STON1: variants seen among roughly 807,000 people sequenced by gnomAD.
STON1 encodes stonin-1.
A neutral mutation model predicts 60.9 loss-of-function variants in STON1; 79 were observed. The observed-to-expected ratio is 1.30, with a 90% confidence interval of 1.08 to 1.56. STON1 has a LOEUF of 1.56. STON1 is among the 40% of genes most tolerant of loss of function. The pLI is 0.00. For missense variants in STON1, 1,166 were observed against 858.9 expected (o/e 1.36, Z -4.47); for synonymous variants, 363 against 306.9 (o/e 1.18, Z -1.91).
At chr2:48,557,047 T>C (rs1166887316) in intron 1 of STON1, among the ~76,000 whole-genome samples, 21 of 84,336 alleles carry the variant, frequency 2.5e-4, no homozygotes, top group South Asian at 1.1e-3. Context: ...CCCTCCCGGA[T>C]GGGGCGGCTG....
In STON1 at chr2:48,581,696, A is replaced by G. The variant is rs1364328939; in HGVS notation, c.1063A>G (p.Thr355Ala). Residue 355 changes from threonine (T) to alanine (A), a missense_variant, in exon 2 of 4, where the codon ACA becomes GCA. Physicochemically the swap from Thr to Ala is moderately conservative, Grantham distance 58 (BLOSUM62 0). Coordinates refer to ENST00000404752, the MANE Select transcript of STON1 (RefSeq NM_006873.4). ...TGTGAAGATTGAACATGTGTCTTAC[A>G]CAGAAAAAAGGAAATACCATTCTAA... The part of the protein sequence containing the change: ...HTVKIEHVSY[T>A]EKRKYHSKTE... The G allele has an allele frequency of 1.9e-6, 3 of 1,611,808 alleles. No homozygotes were observed. Among genetic ancestry groups the G allele is most frequent in the Non-Finnish European group, 2.5e-6 (3 of 1,179,398 alleles).
chr2:48,553,788 T>A (rs11125176), intron 1 of STON1, among the ~76,000 whole-genome samples: 1 of 152,020 alleles, frequency 6.6e-6, no homozygotes. Flanking sequence ...ATGACTGGCC[T>A]TAGACCCCTT....
chr2:48,577,427 C>T (rs942225867), intron 1 of STON1, among the ~76,000 whole-genome samples: 5 of 151,354 alleles, frequency 3.3e-5, no homozygotes, highest in African/African-American at 1.2e-4. Context: ...CTAAAAATAC[C>T]AAAATTAGCC....
At chr2:48,572,888 A>C (rs1168328439) in intron 1 of STON1, among the ~76,000 whole-genome samples, 1 of 152,228 alleles carries the variant, frequency 6.6e-6, no homozygotes, top group Non-Finnish European at 1.5e-5. Context: ...GGTGCTTCAC[A>C]GCAACTTCAG....
At position 48,591,714 on chromosome 2, in the gene STON1, C is replaced by G. The variant is rs766982446; in HGVS notation, c.1992C>G (p.Pro664=). 3 of 1,614,150 alleles carry G rather than the reference C, an allele frequency of 1.9e-6. No homozygotes were observed. In the East Asian group the frequency reaches 6.7e-5, roughly 36 times the overall value. The change falls in exon 3 of 4, where the codon CCC becomes CCG. Residue 664 remains proline (P), a synonymous_variant. Coordinates refer to ENST00000404752, the MANE Select transcript of STON1 (RefSeq NM_006873.4). The part of the protein sequence containing the change: ...KLELGSDQEI[P]SDWYPFATVQ... ...AGCTTGGATCAGACCAAGAAATTCCCTCTGATTGGTATCCATTTGCTACTG... is the reference window on the plus strand; with the variant it reads ...AGCTTGGATCAGACCAAGAAATTCCGTCTGATTGGTATCCATTTGCTACTG...
intron 1 of STON1, among the ~76,000 whole-genome samples, chr2:48,574,151 G>C (rs1342719349): frequency 2.0e-5 from 3 of 152,088 alleles, no homozygotes; most frequent in Non-Finnish European, 4.4e-5. Flanking sequence ...CGAGGCAGGT[G>C]GATCACTTGA....
intron 1 of STON1, among the ~76,000 whole-genome samples, chr2:48,558,100 G>A (rs1265679888): frequency 6.6e-6 from 1 of 152,162 alleles, no homozygotes; most frequent in African/African-American, 2.4e-5. Context: ...GCACATGCCT[G>A]TAATCCCAGC....
chr2:48,533,628 C>G (rs944753693), intron 1 of STON1, among the ~76,000 whole-genome samples: 1 of 127,060 alleles, frequency 7.9e-6, no homozygotes, highest in Admixed American at 9.7e-5. Context: ...TGCCACTGCA[C>G]TGGAGCCTGG....
chr2:48,579,636 G>A (rs1034582672), intron 1 of STON1, among the ~76,000 whole-genome samples: 2 of 152,104 alleles, frequency 1.3e-5, no homozygotes, highest in South Asian at 2.1e-4. Flanking sequence ...GTAACCTAAC[G>A]TGATCTGCTT....
chr2:48,586,496 A>T (rs1674214071), intron 2 of STON1, among the ~76,000 whole-genome samples: 1 of 152,188 alleles, frequency 6.6e-6, no homozygotes, highest in Non-Finnish European at 1.5e-5. Flanking sequence ...AGGGTAATAA[A>T]CTGCCTGGGG....
At chr2:48,567,917 G>C (rs1267929777) in intron 1 of STON1, among the ~76,000 whole-genome samples, 2 of 143,432 alleles carry the variant, frequency 1.4e-5, no homozygotes, top group African/African-American at 2.5e-5. Context: ...TGTTGCTCTT[G>C]AGGAGTCTGG....
intron 1 of STON1, among the ~76,000 whole-genome samples, chr2:48,579,443 T>C (rs1427368397): frequency 6.6e-6 from 1 of 152,196 alleles, no homozygotes; most frequent in Non-Finnish European, 1.5e-5. Flanking sequence ...TGTCTCAAGA[T>C]ATTTTCTAAT....
chr2:48,561,226 C>T (rs1672597254), intron 1 of STON1, among the ~76,000 whole-genome samples: 1 of 152,188 alleles, frequency 6.6e-6, no homozygotes. Context: ...TGCATAAAAC[C>T]AGCTCCCTGT....
rs1187963389 is a variant in STON1 at position 48,596,327 on chromosome 2, G to A, written c.*1025G>A. ...CTTGGTATTTTACCCAGATTTCTAA[G>A]TGGCAACATTTTTATTCTTCAGAGT... is the stretch of plus-strand genomic sequence containing the variant. On this transcript the variant is annotated 3_prime_UTR_variant, in exon 4 of 4. Transcript: ENST00000404752. 6.6e-6 allele frequency: 1 copy of A among 152,136 alleles called. No individual in the cohort carries two copies. The highest frequency in any genetic ancestry group is 2.4e-5 in the African/African-American group (1 of 41,444). The allele number at this position is 152,136 out of a possible 1,614,324, so 9.4% of individuals were successfully genotyped here.
rs571778219 is a variant in STON1, at chr2:48,595,561, G to T, written c.*259G>T. 4.2e-5 allele frequency: 18 copies of T among 430,294 alleles called. 1 individual carries two copies. The South Asian group carries it at 4.7e-4, about 11-fold the overall frequency. 26.7% of individuals were successfully genotyped at this position (430,294 alleles called of 1,614,324 possible). ...TTTTGCTTCCTATTGAAACTCAAAGGCACTGTTACTCGTTGTGTGACCCCG... is the reference window on the plus strand; with the variant it reads ...TTTTGCTTCCTATTGAAACTCAAAGTCACTGTTACTCGTTGTGTGACCCCG... On this transcript the variant is annotated 3_prime_UTR_variant, in exon 4 of 4. Transcript: ENST00000404752.
intron 1 of STON1, among the ~76,000 whole-genome samples, chr2:48,554,002 C>A (rs1403307334): frequency 6.6e-6 from 1 of 152,198 alleles, no homozygotes; most frequent in African/African-American, 2.4e-5. Flanking sequence ...AGCAGGAATA[C>A]AAAGTCTGTT....
chr2:48,581,373 G>C lies in STON1; in HGVS notation c.740G>C (p.Ser247Thr). The change falls in exon 2 of 4, where the codon AGT becomes ACT. Residue 247 changes from serine to threonine, a missense_variant. Coordinates refer to ENST00000404752, the MANE Select transcript of STON1 (RefSeq NM_006873.4). ...GCTGAGAACCAAGACTCACTTAGAAGTTTGTCTATGCACTGTCTATGTGCT... is the reference window on the plus strand; with the variant it reads ...GCTGAGAACCAAGACTCACTTAGAACTTTGTCTATGCACTGTCTATGTGCT... Reference protein sequence around the residue: ...QSAENQDSLRSLSMHCLCAEE... With the variant: ...QSAENQDSLRTLSMHCLCAEE... 6.3e-7 allele frequency: 1 copy of C among 1,577,352 alleles called. No individual in the cohort carries two copies. The highest frequency in any genetic ancestry group is 8.6e-7 in the Non-Finnish European group (1 of 1,162,082).
In STON1 at chr2:48,582,432, G is replaced by A. The variant is rs759614792; in HGVS notation, c.1799G>A (p.Arg600Gln). The change falls in exon 2 of 4, where the codon CGA becomes CAA. Residue 600 changes from arginine (R) to glutamine (Q), a missense_variant. Arg to Gln is a conservative substitution (Grantham distance 43). Coordinates refer to ENST00000404752, the MANE Select transcript of STON1 (RefSeq NM_006873.4). ...TCTCTGAAAGCTAAAATGAACCGCCGAGCATGTCTGGGGAGTTTACAGGAA... is the reference window on the plus strand; with the variant it reads ...TCTCTGAAAGCTAAAATGAACCGCCAAGCATGTCTGGGGAGTTTACAGGAA... ...QKSLKAKMNR[R>Q]ACLGSLQELE... The A allele has an allele frequency of 9.3e-6, 15 of 1,614,182 alleles. No homozygotes were observed. Among genetic ancestry groups the A allele is most frequent in the East Asian group, 8.9e-5 (4 of 44,872 alleles).
chr2:48,557,102 G>T (rs1383616475), intron 1 of STON1, among the ~76,000 whole-genome samples: 1 of 106,510 alleles, frequency 9.4e-6, no homozygotes, highest in Non-Finnish European at 2.0e-5. Flanking sequence ...CCCGGACGGG[G>T]TGGCTGCCGG....
Sources: allele counts gnomAD v4.1 joint callset (sites outside exome capture counted in the v4.1 genomes callset), GRCh38; gene constraint gnomAD v4.1.1; transcripts MANE v1.5; gene names NCBI Gene and HGNC (gene_info 2026-07-23, HGNC 2026-07-21).